The following ARL15 variants were observed in gnomAD, a reference collection of about 807,000 sequenced individuals.
ARL15 encodes ADP-ribosylation factor-like protein 15.
Under a neutral mutation model 25.2 loss-of-function variants are expected in ARL15, and 19 were observed. The ratio of observed to expected loss-of-function variants is 0.75; its 90% CI spans 0.53 to 1.10. The LOEUF is 1.10. ARL15 is among the 50% of genes least tolerant of loss of function. The pLI, the probability that ARL15 is intolerant of heterozygous loss-of-function variation, is 0.00. For missense variants in ARL15, 220 were observed against 246.0 expected (o/e 0.89, Z 0.71); for synonymous variants, 94 against 86.8 (o/e 1.08, Z -0.46).
At chr5:54,292,753 C>T (rs1424062715) in intron 1 of ARL15, among the ~76,000 whole-genome samples, 2 of 152,064 alleles carry the variant, frequency 1.3e-5, no homozygotes, top group Non-Finnish European at 2.9e-5. Flanking sequence ...TTTATACTGT[C>T]GTCTCACTCA....
At position 53,979,829 on chromosome 5, in the gene ARL15, T is replaced by TTGTGTGTG. The variant is rs70986653; in HGVS notation, c.463-93124_463-93117dup. ...CACAGTTGAAAGTCTTTAAAGTCTTTTGTGTGTGTGTGTGTGTGTGTGTGT... is the reference window on the plus strand; with the variant it reads ...CACAGTTGAAAGTCTTTAAAGTCTTTTGTGTGTGTGTGTGTGTGTGTGTGTGTGTGTGT... On this transcript the variant is annotated intron_variant, in intron 4 of 4. Coordinates refer to ENST00000504924, the MANE Select transcript of ARL15 (RefSeq NM_019087.3). 4.9e-5 allele frequency among the ~76,000 whole-genome samples: 7 copies of TTGTGTGTG among 143,174 alleles called. No homozygotes were observed. The South Asian group carries it at 1.4e-3, about 28-fold the overall frequency. 93.9% of individuals were successfully genotyped at this position (143,174 alleles called of 152,430 possible).
intron 4 of ARL15, among the ~76,000 whole-genome samples, chr5:53,995,191 C>T (rs1027497540): frequency 3.3e-5 from 5 of 151,486 alleles, no homozygotes; most frequent in African/African-American, 7.3e-5. Flanking sequence ...TGACTGTAAT[C>T]CCAGCTACTC....
rs201181273 is a variant in ARL15, at chr5:54,229,097, C to T, written c.49-57169G>A. Among the ~76,000 whole-genome samples the T allele has an allele frequency of 9.2e-5, 14 of 152,202 alleles. 1 individual carries two copies. The East Asian group carries it at 2.7e-3, about 29-fold the overall frequency. ...CTTACTACTCACTGCTTGACTGAGT[C>T]GTCTCAATTCATTAAACATTCTCTG... is the stretch of plus-strand genomic sequence containing the variant. On this transcript the variant is annotated intron_variant, in intron 1 of 4. Transcript: ENST00000504924.
chr5:54,085,432 G>A (rs1751933661), intron 4 of ARL15, among the ~76,000 whole-genome samples: 1 of 152,148 alleles, frequency 6.6e-6, no homozygotes, highest in Non-Finnish European at 1.5e-5. Context: ...TGCAGAAATT[G>A]AGAATAAGTT....
At chr5:54,201,920 A>G (rs989410244) in intron 1 of ARL15, among the ~76,000 whole-genome samples, 9 of 152,150 alleles carry the variant, frequency 5.9e-5, no homozygotes, top group African/African-American at 2.2e-4. Context: ...AGGGATAAAA[A>G]TCAAGAGAGC....
At chr5:53,959,703 G>A (rs1045554907) in intron 4 of ARL15, among the ~76,000 whole-genome samples, 3 of 151,964 alleles carry the variant, frequency 2.0e-5, no homozygotes. Flanking sequence ...ACCTCTTCCT[G>A]TTTTTGATCA....
intron 4 of ARL15, among the ~76,000 whole-genome samples, chr5:54,023,621 C>T (rs549897474): frequency 6.6e-6 from 1 of 152,174 alleles, no homozygotes; most frequent in African/African-American, 2.4e-5. Flanking sequence ...CTTTGATGTG[C>T]TTAACTGAAG....
chr5:54,263,457 G>A (rs1757546534), intron 1 of ARL15, among the ~76,000 whole-genome samples: 1 of 152,110 alleles, frequency 6.6e-6, no homozygotes, highest in African/African-American at 2.4e-5. Context: ...AAAAGATAAG[G>A]GTGAAGGGGA....
At chr5:53,920,755 A>G (rs1311500194) in intron 4 of ARL15, among the ~76,000 whole-genome samples, 3 of 152,310 alleles carry the variant, frequency 2.0e-5, no homozygotes, top group East Asian at 1.9e-4. Flanking sequence ...GTGCATAGCA[A>G]TATCTGTGTC....
In ARL15 at chr5:54,072,941, T is replaced by C. The variant is rs1343797260; in HGVS notation, c.462+40261A>G. Among the ~76,000 whole-genome samples the C allele has an allele frequency of 2.0e-5, 3 of 152,174 alleles. No individual in the cohort carries two copies. The East Asian group carries it at 5.8e-4, about 29-fold the overall frequency. On this transcript the variant is annotated intron_variant, in intron 4 of 4. Coordinates refer to ENST00000504924, the MANE Select transcript of ARL15 (RefSeq NM_019087.3). ...CCTAGATTTTCCCCCTTGAAATACA[T>C]ATGGCCCTCAGGGAATGTGGATTGT...
chr5:54,240,533 T>C (rs143109906), intron 1 of ARL15, among the ~76,000 whole-genome samples: 1 of 152,260 alleles, frequency 6.6e-6, no homozygotes, highest in African/African-American at 2.4e-5. Context: ...TAACATACTG[T>C]ATTGCAAGTG....
intron 1 of ARL15, among the ~76,000 whole-genome samples, chr5:54,249,752 G>A (rs1007108252): frequency 6.7e-5 from 10 of 150,224 alleles, no homozygotes; most frequent in Non-Finnish European, 1.5e-5. Context: ...GGAATACACA[G>A]AATTCCTAAG....
At chr5:54,206,213 T>C (rs779779150) in intron 1 of ARL15, among the ~76,000 whole-genome samples, 4 of 152,150 alleles carry the variant, frequency 2.6e-5, no homozygotes, top group African/African-American at 7.2e-5. Flanking sequence ...TCAAATACCA[T>C]AATTAGGACT....
chr5:53,930,408 GA>G (rs1746161360), intron 4 of ARL15, among the ~76,000 whole-genome samples: 1 of 152,176 alleles, frequency 6.6e-6, no homozygotes, highest in African/African-American at 2.4e-5. Context: ...CTTTGAGAAG[GA>G]AAGGGTCACT....
At chr5:53,963,287 G>A (rs1207541016) in intron 4 of ARL15, among the ~76,000 whole-genome samples, 1 of 152,072 alleles carries the variant, frequency 6.6e-6, no homozygotes, top group African/African-American at 2.4e-5. Context: ...TGCAGACTTT[G>A]GCATGGTAAA....
intron 1 of ARL15, among the ~76,000 whole-genome samples, chr5:54,250,999 C>A (rs1288327734): frequency 1.3e-5 from 2 of 152,134 alleles, no homozygotes; most frequent in African/African-American, 4.8e-5. Context: ...AATCTAACTT[C>A]AAATGCTTTC....
chr5:54,114,491 T>C (rs1454622997), intron 3 of ARL15, among the ~76,000 whole-genome samples: 3 of 151,520 alleles, frequency 2.0e-5, no homozygotes, highest in African/African-American at 7.3e-5. Context: ...ATTTCCATTA[T>C]ATAGCACAAC....
chr5:54,077,414 A>G (rs1751645515), intron 4 of ARL15, among the ~76,000 whole-genome samples: 1 of 152,220 alleles, frequency 6.6e-6, no homozygotes, highest in Non-Finnish European at 1.5e-5. Context: ...AGTGGCTATG[A>G]AATTTATGGA....
At chr5:53,989,552 C>G (rs1310540375) in intron 4 of ARL15, among the ~76,000 whole-genome samples, 3 of 150,582 alleles carry the variant, frequency 2.0e-5, no homozygotes, top group Non-Finnish European at 4.4e-5. Context: ...TATCTTCATT[C>G]TCAACAAACC....
Sources: allele counts gnomAD v4.1 joint callset (sites outside exome capture counted in the v4.1 genomes callset), GRCh38; gene constraint gnomAD v4.1.1; transcripts MANE v1.5; gene names NCBI Gene and HGNC (gene_info 2026-07-23, HGNC 2026-07-21).